ANO2: variants seen among roughly 807,000 people sequenced by gnomAD.
ANO2 encodes the protein anoctamin 2.
In ANO2, 101 loss-of-function variants were observed where a neutral mutation model predicts 124.2. That is an observed-to-expected ratio of 0.81 (90% CI 0.69 to 0.96). The LOEUF is 0.96. ANO2 is among the 40% of genes least tolerant of loss of function. ANO2 has a pLI of 0.00. For missense variants in ANO2, 1,293 were observed against 1,274.5 expected (o/e 1.01, Z -0.22); for synonymous variants, 486 against 482.5 (o/e 1.01, Z -0.09).
At chr12:5,695,606 TGAG>T (rs1949135175) in intron 14 of ANO2, among the ~76,000 whole-genome samples, 1 of 152,192 alleles carries the variant, frequency 6.6e-6, no homozygotes, top group Non-Finnish European at 1.5e-5. Context: ...TTTGGGAGGC[TGAG>T]GCAGGCAGAT....
rs115732570 is a variant in ANO2, at chr12:5,807,564, T to C, written c.893-196A>G. ...GAACAATATTGTTTCATTCTCTAAA[T>C]ACAAAATTATGTTTTAATATCAAAT... On this transcript the variant is annotated intron_variant, in intron 7 of 24. Transcript: ENST00000682330. Among the ~76,000 whole-genome samples, 1,086 of 152,314 alleles carry C rather than the reference T, an allele frequency of 7.1e-3. 14 individuals carry two copies. Among genetic ancestry groups the C allele is most frequent in the African/African-American group, 0.024 (1,014 of 41,550 alleles).
At chr12:5,942,943 A>G (rs957246018) in intron 1 of ANO2, among the ~76,000 whole-genome samples, 2 of 152,220 alleles carry the variant, frequency 1.3e-5, no homozygotes, top group Non-Finnish European at 2.9e-5. Context: ...AATGGCTATA[A>G]CTAAGAAGTC....
chr12:5,915,202 T>C (rs1237320224), intron 3 of ANO2, among the ~76,000 whole-genome samples: 1 of 152,314 alleles, frequency 6.6e-6, no homozygotes, highest in East Asian at 1.9e-4. Context: ...CGTCTTTAAA[T>C]GAAATTCTAA....
chr12:5,727,295 G>A (rs1352556100), intron 14 of ANO2, among the ~76,000 whole-genome samples: 12 of 152,010 alleles, frequency 7.9e-5, no homozygotes, highest in Non-Finnish European at 1.3e-4. Context: ...TTCAGTATGT[G>A]ACGTGCCTGC....
intron 20 of ANO2, among the ~76,000 whole-genome samples, chr12:5,593,996 A>G (rs1565451616): frequency 6.6e-6 from 1 of 152,234 alleles, no homozygotes; most frequent in Non-Finnish European, 1.5e-5. Flanking sequence ...AAAGAGATGA[A>G]CGAAACCTAA....
chr12:5,583,140 T>G (rs1942848966), intron 20 of ANO2, among the ~76,000 whole-genome samples: 1 of 152,192 alleles, frequency 6.6e-6, no homozygotes, highest in South Asian at 2.1e-4. Flanking sequence ...TTTTCACCAG[T>G]TGTGAAACAC....
intron 3 of ANO2, among the ~76,000 whole-genome samples, chr12:5,919,890 G>A (rs1941597371): frequency 1.3e-5 from 2 of 152,046 alleles, no homozygotes; most frequent in Admixed American, 1.3e-4. Context: ...GTAGAGACAG[G>A]GTTTCACCAT....
At chr12:5,716,458 G>T (rs1950030586) in intron 14 of ANO2, among the ~76,000 whole-genome samples, 1 of 152,160 alleles carries the variant, frequency 6.6e-6, no homozygotes, top group Admixed American at 6.5e-5. Context: ...AAATAACCCA[G>T]CTGGCAAAGA....
At chr12:5,680,354 G>A (rs1948436865) in intron 14 of ANO2, among the ~76,000 whole-genome samples, 1 of 152,144 alleles carries the variant, frequency 6.6e-6, no homozygotes, top group South Asian at 2.1e-4. Context: ...TTCTATCTGG[G>A]ACCTACAATT....
At chr12:5,899,441 T>C (rs1010073247) in intron 3 of ANO2, among the ~76,000 whole-genome samples, 4 of 152,210 alleles carry the variant, frequency 2.6e-5, no homozygotes, top group Non-Finnish European at 5.9e-5. Context: ...AGCAGTCCTG[T>C]GTCATGCAAA....
chr12:5,893,574 G>A (rs1404998871), intron 3 of ANO2, among the ~76,000 whole-genome samples: 1 of 151,214 alleles, frequency 6.6e-6, no homozygotes, highest in African/African-American at 2.4e-5. Flanking sequence ...ACAAGCCATG[G>A]TGGTTTGCTG....
intron 20 of ANO2, among the ~76,000 whole-genome samples, chr12:5,585,390 A>G (rs548766055): frequency 3.9e-5 from 6 of 152,306 alleles, no homozygotes; most frequent in African/African-American, 1.4e-4. Context: ...GTCACAGCTT[A>G]GGTATTAAGA....
Position 5,562,975 on chromosome 12 carries a change from G to T in ANO2, c.*324C>A, listed in dbSNP as rs114239439. Reference sequence around the variant, plus strand: ...AAATGATGGTGAAGTACAAGAGGGTGCCCCAGGGTACATGGGAATGCTCGC... The same window carrying T: ...AAATGATGGTGAAGTACAAGAGGGTTCCCCAGGGTACATGGGAATGCTCGC... On this transcript the variant is annotated 3_prime_UTR_variant, in exon 25 of 25. Coordinates refer to ENST00000682330, the MANE Select transcript of ANO2 (RefSeq NM_001364791.2). The T allele has an allele frequency of 3.3e-6, 1 of 306,338 alleles. No individual in the cohort carries two copies. The highest frequency in any genetic ancestry group is 2.1e-5 in the African/African-American group (1 of 47,846). 19.0% of individuals were successfully genotyped at this position (306,338 alleles called of 1,614,324 possible). A position where few individuals can be genotyped will look rare whatever the true frequency, so the allele number is the denominator to read the frequency against.
intron 6 of ANO2, among the ~76,000 whole-genome samples, chr12:5,829,542 T>C (rs2137214165): frequency 6.6e-6 from 1 of 152,308 alleles, no homozygotes. Flanking sequence ...CCCTATTAGC[T>C]GGGAGATCCT....
At chr12:5,860,397 ATGAGTC>A (rs1160425824) in intron 3 of ANO2, among the ~76,000 whole-genome samples, 94 of 152,162 alleles carry the variant, frequency 6.2e-4, no homozygotes, top group African/African-American at 2.2e-3. Flanking sequence ...AGGACAAAGA[ATGAGTC>A]TGTCTTGTTG....
At chr12:5,695,375 T>TAAA (rs78967769) in intron 14 of ANO2, among the ~76,000 whole-genome samples, 1 of 127,816 alleles carries the variant, frequency 7.8e-6, no homozygotes, top group East Asian at 2.2e-4. Flanking sequence ...ACATGGAACT[T>TAAA]AAAAAAAAAA....
chr12:5,754,737 CATA>C (rs1270764429), intron 10 of ANO2, among the ~76,000 whole-genome samples: 3 of 152,024 alleles, frequency 2.0e-5, no homozygotes, highest in Non-Finnish European at 4.4e-5. Flanking sequence ...TATAATTGTT[CATA>C]ATAATTCCTT....
In ANO2 at chr12:5,612,912, G is replaced by A. The variant is rs373586770; in HGVS notation, c.1975C>T (p.Arg659Cys). ...GSYVYVFDGY[R>C]MEECAPGGCL... ...GTGGCTGTACTTGCCTCTTCCATGC[G>A]GTAACCATCGAATACATAGACGTAG... The change falls in exon 18 of 25, where the codon CGC becomes TGC. Residue 659 changes from arginine (R) to cysteine (C), a missense_variant. By Grantham distance (180) the Arg-to-Cys change is radical. Coordinates refer to ENST00000682330, the MANE Select transcript of ANO2 (RefSeq NM_001364791.2). The A allele has an allele frequency of 1.2e-5, 20 of 1,613,752 alleles. No individual in the cohort carries two copies. The African/African-American group carries it at 1.3e-4, about 11-fold the overall frequency.
chr12:5,578,850 T>G (rs1942577118), intron 20 of ANO2, among the ~76,000 whole-genome samples: 1 of 152,216 alleles, frequency 6.6e-6, no homozygotes, highest in African/African-American at 2.4e-5. Flanking sequence ...ACTTTTTTAG[T>G]AAAAGGCCAG....
Sources: allele counts gnomAD v4.1 joint callset (sites outside exome capture counted in the v4.1 genomes callset), GRCh38; gene constraint gnomAD v4.1.1; transcripts MANE v1.5; gene names NCBI Gene and HGNC (gene_info 2026-07-23, HGNC 2026-07-21).